The following PPP2R2B variants were observed in gnomAD, a reference collection of about 807,000 sequenced individuals.
PPP2R2B encodes the protein serine/threonine-protein phosphatase 2A 55 kDa regulatory subunit B beta isoform.
A neutral mutation model predicts 46.0 loss-of-function variants in PPP2R2B; 5 were observed. That is an observed-to-expected ratio of 0.11 (90% CI 0.06 to 0.23). The LOEUF (loss-of-function observed/expected upper bound fraction) is 0.23. PPP2R2B is among the 10% of genes least tolerant of loss of function. The pLI is 1.00. For missense variants in PPP2R2B, 367 were observed against 575.0 expected (o/e 0.64, Z 3.70); for synonymous variants, 215 against 206.7 (o/e 1.04, Z -0.34).
At chr5:146,715,461 G>T (rs971315427) in intron 2 of PPP2R2B, among the ~76,000 whole-genome samples, 2 of 152,052 alleles carry the variant, frequency 1.3e-5, no homozygotes, top group African/African-American at 2.4e-5. Flanking sequence ...TGCAAGCCAG[G>T]CACGGCGTTC....
At chr5:146,633,371 A>C (rs556246236) in intron 7 of PPP2R2B, among the ~76,000 whole-genome samples, 4 of 152,282 alleles carry the variant, frequency 2.6e-5, no homozygotes, top group Non-Finnish European at 5.9e-5. Context: ...CCGATCACAC[A>C]CCTCGGCTGA....
intron 1 of PPP2R2B, among the ~76,000 whole-genome samples, chr5:146,949,475 T>C (rs1400838105): frequency 1.3e-5 from 2 of 151,986 alleles, no homozygotes; most frequent in Non-Finnish European, 2.9e-5. Context: ...CCAGTTAAAA[T>C]AAAAACCAGT....
At chr5:146,968,557 G>T (rs1752537513) in intron 1 of PPP2R2B, among the ~76,000 whole-genome samples, 1 of 152,192 alleles carries the variant, frequency 6.6e-6, no homozygotes, top group African/African-American at 2.4e-5. Flanking sequence ...GTCTGTTAAT[G>T]ACCTGAGCTA....
rs534649639 is a variant in PPP2R2B, at chr5:146,964,419, G to A, written c.79+91246C>T. ...GCTAAATAGTTTGACTTGGTGCTTC[G>A]CAGATTTTTTAACCTTAGGATATTT... On this transcript the variant is annotated intron_variant, in intron 1 of 8. Coordinates refer to the PPP2R2B transcript ENST00000336640. 6.0e-5 allele frequency among the ~76,000 whole-genome samples: 9 copies of A among 151,142 alleles called. No individual in the cohort carries two copies. In the South Asian group the frequency reaches 6.3e-4, roughly 11 times the overall value.
At chr5:146,627,175 T>A (rs771473190) in intron 7 of PPP2R2B, among the ~76,000 whole-genome samples, 3 of 152,206 alleles carry the variant, frequency 2.0e-5, no homozygotes, top group Non-Finnish European at 4.4e-5. Flanking sequence ...GTGTTTGCAA[T>A]CCTGCCATCA....
rs1003895162 is a variant in PPP2R2B at position 146,866,192 on chromosome 5, C to T, written c.70+11810G>A. On this transcript the variant is annotated intron_variant, in intron 2 of 9. Coordinates refer to ENST00000394411, the MANE Select transcript of PPP2R2B (RefSeq NM_181675.4). ...TTTACTGATCCCTGCTCTAGAACAT[C>T]GACATAATTTTACAAAATGGAGATA... 2.6e-5 allele frequency among the ~76,000 whole-genome samples: 4 copies of T among 152,098 alleles called. No homozygotes were observed. In the East Asian group the frequency reaches 5.8e-4, roughly 22 times the overall value.
chr5:146,731,528 C>T (rs761896652), intron 2 of PPP2R2B, among the ~76,000 whole-genome samples: 9 of 152,178 alleles, frequency 5.9e-5, no homozygotes, highest in Non-Finnish European at 1.0e-4. Context: ...CGTGGCTTCC[C>T]GTAGAGTTTA....
chr5:146,946,752 A>C (rs1475729727), intron 1 of PPP2R2B, among the ~76,000 whole-genome samples: 1 of 152,066 alleles, frequency 6.6e-6, no homozygotes, highest in Non-Finnish European at 1.5e-5. Context: ...CACTACTGTA[A>C]ATGCTCAATT....
intron 7 of PPP2R2B, among the ~76,000 whole-genome samples, chr5:146,622,499 T>G (rs1581738260): frequency 6.6e-6 from 1 of 152,198 alleles, no homozygotes; most frequent in African/African-American, 2.4e-5. Context: ...CTATCTTCAT[T>G]AAAGCCAAGT....
At chr5:146,956,130 A>G (rs1335572852) in intron 1 of PPP2R2B, among the ~76,000 whole-genome samples, 1 of 152,132 alleles carries the variant, frequency 6.6e-6, no homozygotes, top group Non-Finnish European at 1.5e-5. Context: ...GGATATCAAC[A>G]AAGTCATTAG....
At chr5:146,799,078 A>G (rs182500551) in intron 2 of PPP2R2B, among the ~76,000 whole-genome samples, 3 of 152,332 alleles carry the variant, frequency 2.0e-5, no homozygotes, top group Admixed American at 2.0e-4. Context: ...GGCAGCCAGA[A>G]CAAAGCAATG....
At chr5:147,018,751 C>T (rs1755124341) in intron 1 of PPP2R2B, among the ~76,000 whole-genome samples, 1 of 152,156 alleles carries the variant, frequency 6.6e-6, no homozygotes, top group South Asian at 2.1e-4. Flanking sequence ...GGCAGTGCTC[C>T]ATGCTGGCTT....
intron 2 of PPP2R2B, among the ~76,000 whole-genome samples, chr5:146,741,840 T>A (rs1056279007): frequency 2.0e-5 from 3 of 152,240 alleles, no homozygotes; most frequent in African/African-American, 7.2e-5. Context: ...GTAAAAATAT[T>A]CTGGTTCAAC....
chr5:146,633,263 A>G (rs1436988533), intron 7 of PPP2R2B, among the ~76,000 whole-genome samples: 1 of 152,198 alleles, frequency 6.6e-6, no homozygotes, highest in African/African-American at 2.4e-5. Flanking sequence ...CGGCATTTTG[A>G]TTAAATGCTG....
chr5:146,809,002 C>T (rs1313531081), intron 2 of PPP2R2B, among the ~76,000 whole-genome samples: 6 of 147,988 alleles, frequency 4.1e-5, no homozygotes, highest in Non-Finnish European at 9.0e-5. Flanking sequence ...TGTGCGCGCG[C>T]ACCCACTTCT....
intron 1 of PPP2R2B, among the ~76,000 whole-genome samples, chr5:146,909,103 G>A (rs571844653): frequency 2.0e-4 from 30 of 152,314 alleles, no homozygotes; most frequent in African/African-American, 7.2e-4. Context: ...GGCAGTGGGA[G>A]GTCACAGAAA....
chr5:146,620,874 CTAT>C (rs904314656), intron 7 of PPP2R2B, among the ~76,000 whole-genome samples: 5 of 152,202 alleles, frequency 3.3e-5, no homozygotes, highest in African/African-American at 9.7e-5. Flanking sequence ...TCTCGAGTGG[CTAT>C]TATTAGGGGT....
Position 146,857,689 on chromosome 5 carries a change from ATT to A in PPP2R2B, c.70+20311_70+20312del, listed in dbSNP as rs11320746. On this transcript the variant is annotated intron_variant, in intron 2 of 9. Transcript: ENST00000394411. ...TTAAGACATATACATAACTGTACTA[ATT>A]TTTTTTTTTTTTTGAGATGGAGTTT... 5.7e-4 allele frequency among the ~76,000 whole-genome samples: 83 copies of A among 146,244 alleles called. 2 individuals carry two copies. The highest frequency in any genetic ancestry group is 8.0e-4 in the East Asian group (4 of 5,006).
intron 2 of PPP2R2B, among the ~76,000 whole-genome samples, chr5:146,828,693 C>G (rs1162044685): frequency 3.9e-5 from 6 of 152,138 alleles, no homozygotes; most frequent in African/African-American, 1.4e-4. Flanking sequence ...ACAGACAACA[C>G]TAAAAACATG....
Sources: gnomAD v4.1 joint callset for allele counts (sites outside exome capture counted in the v4.1 genomes callset) on GRCh38, gnomAD v4.1.1 for gene constraint, MANE v1.5 for transcripts, NCBI Gene and HGNC (gene_info 2026-07-23, HGNC 2026-07-21) for gene names.